The following RGS6 variants were observed in gnomAD, a reference collection of about 807,000 sequenced individuals.
RGS6 encodes regulator of G protein signaling 6.
Under a neutral mutation model 78.5 loss-of-function variants are expected in RGS6, and 30 were observed. The observed-to-expected ratio is 0.38, with a 90% CI of 0.29 to 0.52. RGS6 has a LOEUF of 0.52. Ranked by LOEUF, RGS6 falls within the 20% of genes least tolerant of loss-of-function variation. RGS6 has a pLI of 0.85. For synonymous variants in RGS6, 206 were observed against 206.0 expected (o/e 1.00, Z 0.00); for missense variants, 495 against 609.7 (o/e 0.81, Z 1.98).
intron 3 of RGS6, among the ~76,000 whole-genome samples, chr14:72,394,669 G>T (rs1180372029): frequency 6.6e-6 from 1 of 152,164 alleles, no homozygotes; most frequent in Non-Finnish European, 1.5e-5. Flanking sequence ...GAACATTGCT[G>T]TTATCCTGTT....
chr14:71,897,506 T>TTTTTA, the RGS6 span, among the ~76,000 whole-genome samples: 95 of 152,136 alleles, frequency 6.2e-4, no homozygotes, highest in South Asian at 0.015. Context: ...TTAGATTTAT[T>TTTTTA]TTTTATTTTA....
chr14:72,463,290 G>C (rs1714054091), intron 6 of RGS6, among the ~76,000 whole-genome samples: 1 of 152,212 alleles, frequency 6.6e-6, no homozygotes, highest in African/African-American at 2.4e-5. Context: ...TGTAGGGCTG[G>C]CTATTGTCAC....
At chr14:72,581,782 C>A in the RGS6 span, among the ~76,000 whole-genome samples, 1 of 152,226 alleles carries the variant, frequency 6.6e-6, no homozygotes, top group Admixed American at 6.5e-5. Context: ...TCTCTAGAAA[C>A]CTTCTCTGAT....
intron 7 of RGS6, among the ~76,000 whole-genome samples, chr14:72,467,879 G>A (rs984036839): frequency 3.3e-5 from 5 of 152,112 alleles, no homozygotes; most frequent in African/African-American, 1.2e-4. Flanking sequence ...TGCGCCCAGT[G>A]CAAGTAGCTT....
chr14:72,479,304 A>G (rs1424059541), intron 12 of RGS6, among the ~76,000 whole-genome samples: 2 of 152,222 alleles, frequency 1.3e-5, no homozygotes, highest in Non-Finnish European at 2.9e-5. Context: ...GGGGCTAAGG[A>G]CATCCCTGGA....
intron 2 of RGS6, among the ~76,000 whole-genome samples, chr14:72,057,554 C>T (rs756806551): frequency 1.3e-5 from 2 of 152,122 alleles, no homozygotes; most frequent in African/African-American, 2.4e-5. Context: ...TCTGTTAATG[C>T]GTTTCCCATG....
intron 2 of RGS6, among the ~76,000 whole-genome samples, chr14:72,118,577 C>T (rs1057357658): frequency 1.3e-5 from 2 of 152,166 alleles, no homozygotes; most frequent in African/African-American, 4.8e-5. Context: ...CCTGCTACAG[C>T]CTAGGAGCAG....
chr14:72,270,722 G>T (rs1006998355), intron 2 of RGS6, among the ~76,000 whole-genome samples: 2 of 152,192 alleles, frequency 1.3e-5, no homozygotes, highest in Non-Finnish European at 2.9e-5. Flanking sequence ...CTGGGAAGAT[G>T]AGTCATTAAA....
chr14:72,562,625 G>C lies in RGS6; in HGVS notation c.*158G>C, dbSNP rs1055780790. 6.5e-7 allele frequency: 1 copy of C among 1,535,144 alleles called. No individual in the cohort carries two copies. The highest frequency in any genetic ancestry group is 2.0e-5 in the Admixed American group (1 of 50,890). The stretch of plus-strand genomic sequence containing the variant: ...GGGCGATGGTGGGGAGACTCGGTGG[G>C]TGAATGGGGAGACCAGAAAGAAAGA... On this transcript the variant is annotated 3_prime_UTR_variant, in exon 18 of 18. Transcript: ENST00000553525.
At chr14:72,469,088 C>T (rs2096004598) in intron 7 of RGS6, among the ~76,000 whole-genome samples, 1 of 152,108 alleles carries the variant, frequency 6.6e-6, no homozygotes, top group South Asian at 2.1e-4. Flanking sequence ...TTAGGTAACT[C>T]TACAGACTTA....
intron 3 of RGS6, among the ~76,000 whole-genome samples, chr14:72,358,902 A>C (rs1397538217): frequency 6.6e-6 from 1 of 152,218 alleles, no homozygotes; most frequent in Non-Finnish European, 1.5e-5. Flanking sequence ...CTTGATTTGT[A>C]ATTCCCATAG....
chr14:71,884,376 C>CA, the RGS6 span, among the ~76,000 whole-genome samples: 2 of 152,208 alleles, frequency 1.3e-5, no homozygotes, highest in East Asian at 3.8e-4. Flanking sequence ...TCTTAAGCCT[C>CA]AAGAGCTTGT....
chr14:72,573,177 T>C, the RGS6 span, among the ~76,000 whole-genome samples: 11 of 152,250 alleles, frequency 7.2e-5, no homozygotes, highest in East Asian at 2.1e-3. Flanking sequence ...CCCTTCCTTA[T>C]AGGAAAAAAG....
intron 2 of RGS6, among the ~76,000 whole-genome samples, chr14:72,286,335 T>C (rs571528593): frequency 6.6e-6 from 1 of 152,324 alleles, no homozygotes; most frequent in African/African-American, 2.4e-5. Context: ...ATGAATTTAT[T>C]GCTCCACTGT....
chr14:71,954,151 T>C (rs892190817), intron 1 of RGS6, among the ~76,000 whole-genome samples: 1 of 151,772 alleles, frequency 6.6e-6, no homozygotes, highest in Non-Finnish European at 1.5e-5. Context: ...GTAGTTTTTC[T>C]TTTTTTGGGT....
At chr14:72,581,549 C>T in the RGS6 span, among the ~76,000 whole-genome samples, 1 of 152,190 alleles carries the variant, frequency 6.6e-6, no homozygotes, top group Non-Finnish European at 1.5e-5. Flanking sequence ...TTCAGTAGCT[C>T]TCGTTGCCCT....
rs145408762 is a variant in RGS6, at chr14:72,136,499, T to A, written c.84+171624T>A. 3.0e-4 allele frequency among the ~76,000 whole-genome samples: 46 copies of A among 152,250 alleles called. 1 individual carries two copies. Among genetic ancestry groups the A allele is most frequent in the Admixed American group, 2.7e-3 (41 of 15,290 alleles). On this transcript the variant is annotated intron_variant, in intron 2 of 17. Transcript: ENST00000553525. ...GACAGAAGGCAAAAGTCACGTCTTA[T>A]ATGGCAGCAGGCAAGAGAGAATGAG...
chr14:72,335,480 C>T (rs1179765831), intron 2 of RGS6, among the ~76,000 whole-genome samples: 3 of 152,190 alleles, frequency 2.0e-5, no homozygotes, highest in African/African-American at 7.2e-5. Flanking sequence ...GGAAAAGTGA[C>T]TCCCAGGGAC....
chr14:72,408,254 C>T (rs958937549), intron 3 of RGS6, among the ~76,000 whole-genome samples: 2 of 152,146 alleles, frequency 1.3e-5, no homozygotes, highest in African/African-American at 4.8e-5. Context: ...TCCACAGACC[C>T]CTGGTGGTTC....
Sources: allele counts gnomAD v4.1 joint callset (sites outside exome capture counted in the v4.1 genomes callset), GRCh38; gene constraint gnomAD v4.1.1; transcripts MANE v1.5; gene names NCBI Gene and HGNC (gene_info 2026-07-23, HGNC 2026-07-21).